Variants in FRK observed in about 807,000 individuals in gnomAD.
FRK encodes the protein tyrosine-protein kinase FRK.
In FRK, 51 loss-of-function variants were observed where a neutral mutation model predicts 56.4. The observed-to-expected ratio is 0.90, with a 90% CI of 0.72 to 1.14. The LOEUF (loss-of-function observed/expected upper bound fraction) is 1.14, where lower values mean the gene tolerates loss of function less well. Among genes scored for constraint, FRK ranks in the 50% most tolerant of loss-of-function variants. The probability of loss-of-function intolerance (pLI) is 0.00; values close to 1 mark genes in which losing one functional copy is unlikely to be tolerated. For missense variants in FRK, 570 were observed against 601.4 expected, an observed-to-expected ratio of 0.95 and a Z score of 0.55; for synonymous variants, 245 against 217.9, an observed-to-expected ratio of 1.12 and a Z score of -1.10.
intron 1 of FRK, among the ~76,000 whole-genome samples, chr6:116,028,158 G>A (rs932242805): frequency 3.9e-5 from 6 of 152,066 alleles, no homozygotes; most frequent in Non-Finnish European, 7.4e-5. Flanking sequence ...CAGTTTTGAT[G>A]TTAACTGGTT....
intron 1 of FRK, among the ~76,000 whole-genome samples, chr6:116,038,586 A>G (rs1776575874): frequency 6.6e-6 from 1 of 152,262 alleles, no homozygotes; most frequent in Admixed American, 6.5e-5. Flanking sequence ...GAAGCAATTC[A>G]ACTTTTCAAG....
intron 2 of FRK, among the ~76,000 whole-genome samples, chr6:116,001,234 T>C (rs1289358481): frequency 6.8e-6 from 1 of 146,916 alleles, no homozygotes; most frequent in Non-Finnish European, 1.5e-5. Context: ...TGAGACTCTG[T>C]CTGAAAAAAA....
At chr6:116,085,017 G>C in the FRK span, among the ~76,000 whole-genome samples, 1 of 152,178 alleles carries the variant, frequency 6.6e-6, no homozygotes, top group Non-Finnish European at 1.5e-5. Context: ...GGGAAAGATA[G>C]AAGGGGGCAG....
At chr6:115,958,700 GAAA>G (rs57158028) in intron 4 of FRK, among the ~76,000 whole-genome samples, 11 of 5,170 alleles carry the variant, frequency 2.1e-3, no homozygotes, top group African/African-American at 6.2e-3. Flanking sequence ...AAGAAAGAAA[GAAA>G]GAAGAAAGAA....
At chr6:116,057,292 AAT>A (rs1777436503) in intron 1 of FRK, among the ~76,000 whole-genome samples, 1 of 152,214 alleles carries the variant, frequency 6.6e-6, no homozygotes, top group South Asian at 2.1e-4. Flanking sequence ...AGGAGAAAAA[AAT>A]AGACTTTTGA....
the FRK span, among the ~76,000 whole-genome samples, chr6:116,098,561 C>G: frequency 1.3e-5 from 2 of 152,054 alleles, no homozygotes; most frequent in African/African-American, 4.8e-5. Context: ...CCTTAAAGGC[C>G]CTATGTCAAA....
chr6:115,999,982 A>G (rs948880057), intron 2 of FRK, among the ~76,000 whole-genome samples: 11 of 152,192 alleles, frequency 7.2e-5, no homozygotes, highest in Admixed American at 7.2e-4. Flanking sequence ...TCATAATGAT[A>G]TGCTGGTCTC....
intron 1 of FRK, among the ~76,000 whole-genome samples, chr6:116,022,704 T>C (rs1261748723): frequency 1.3e-5 from 2 of 152,154 alleles, no homozygotes; most frequent in East Asian, 1.9e-4. Flanking sequence ...CCTAACATCA[T>C]ACTCAATGGT....
intron 2 of FRK, among the ~76,000 whole-genome samples, chr6:115,999,466 C>T (rs887196784): frequency 6.6e-6 from 1 of 152,184 alleles, no homozygotes; most frequent in Non-Finnish European, 1.5e-5. Flanking sequence ...TTAGCACCCA[C>T]CCAACCTTGG....
At chr6:116,084,233 C>T in the FRK span, among the ~76,000 whole-genome samples, 3 of 152,166 alleles carry the variant, frequency 2.0e-5, no homozygotes, top group African/African-American at 7.2e-5. Context: ...CAAACTTATA[C>T]ATCTGTTAAC....
chr6:116,096,061 T>C, the FRK span, among the ~76,000 whole-genome samples: 1 of 152,212 alleles, frequency 6.6e-6, no homozygotes, highest in Non-Finnish European at 1.5e-5. Flanking sequence ...CTTGTCAAAT[T>C]TGGTTCCTCT....
At chr6:116,086,098 C>T in the FRK span, among the ~76,000 whole-genome samples, 3 of 151,912 alleles carry the variant, frequency 2.0e-5, no homozygotes, top group African/African-American at 4.8e-5. Context: ...CTCCGCCTCC[C>T]GAGTTCACGC....
chr6:116,034,474 G>C (rs75881100), intron 1 of FRK, among the ~76,000 whole-genome samples: 2,957 of 152,212 alleles, frequency 0.019, 33 homozygotes, highest in Non-Finnish European at 0.029. Flanking sequence ...CTTTTGATAA[G>C]AGCAGCTTCC....
At chr6:116,014,432 A>G (rs755538422) in intron 1 of FRK, among the ~76,000 whole-genome samples, 1 of 152,094 alleles carries the variant, frequency 6.6e-6, no homozygotes, top group African/African-American at 2.4e-5. Flanking sequence ...TTAAAAAAAT[A>G]TACTTTGAAA....
At chr6:115,953,707 G>A (rs556191497) in intron 5 of FRK, among the ~76,000 whole-genome samples, 13 of 152,314 alleles carry the variant, frequency 8.5e-5, no homozygotes, top group African/African-American at 3.1e-4. Flanking sequence ...TGTCAAAGGT[G>A]TTAGCCATGT....
At chr6:116,038,164 T>C (rs565495685) in intron 1 of FRK, among the ~76,000 whole-genome samples, 1 of 152,212 alleles carries the variant, frequency 6.6e-6, no homozygotes, top group African/African-American at 2.4e-5. Flanking sequence ...CAACATTCAT[T>C]AATTACAATT....
intron 2 of FRK, among the ~76,000 whole-genome samples, chr6:115,978,649 A>AT (rs1461184720): frequency 1.3e-5 from 2 of 152,200 alleles, no homozygotes; most frequent in Non-Finnish European, 1.5e-5. Context: ...GCCTGCATAA[A>AT]TGATGGTGGT....
At chr6:115,950,478 C>A (rs1382926425) in intron 5 of FRK, among the ~76,000 whole-genome samples, 1 of 152,158 alleles carries the variant, frequency 6.6e-6, no homozygotes, top group Non-Finnish European at 1.5e-5. Flanking sequence ...GATAGCATGT[C>A]ATGTCAGTTA....
chr6:116,082,137 G>C, the FRK span, among the ~76,000 whole-genome samples: 1 of 152,176 alleles, frequency 6.6e-6, no homozygotes, highest in Admixed American at 6.5e-5. Flanking sequence ...GATCTCTGAA[G>C]GGGGAGCTTG....
Sources: gnomAD v4.1 joint callset for allele counts (sites outside exome capture counted in the v4.1 genomes callset) on GRCh38, gnomAD v4.1.1 for gene constraint, MANE v1.5 for transcripts, NCBI Gene and HGNC (gene_info 2026-07-23, HGNC 2026-07-21) for gene names.